The following VPS11 variants were observed in gnomAD, a reference collection of about 807,000 sequenced individuals.
VPS11 encodes VPS11 core subunit of CORVET and HOPS complexes, also known as vacuolar protein sorting-associated protein 11 homolog.
Under a neutral mutation model 106.8 loss-of-function variants are expected in VPS11, and 51 were observed. That is an observed-to-expected ratio of 0.48 (90% CI 0.38 to 0.60). The LOEUF (loss-of-function observed/expected upper bound fraction) is 0.60. Among genes scored for constraint, VPS11 ranks in the 20% least tolerant of loss-of-function variants. The pLI is 0.00. For missense variants in VPS11, 950 were observed against 1,190.0 expected (o/e 0.80, Z 2.97); for synonymous variants, 453 against 458.7 (o/e 0.99, Z 0.16).
At chr11:119,080,985 CT>C (rs1945827676) in intron 14 of VPS11, 106 bp from the exon 15 acceptor site, 1 of 993,660 alleles carries the variant, frequency 1.0e-6, no homozygotes. Context: ...CTTCAGGGGC[CT>C]TACCAGGGAC....
At chr11:119,076,284 T>C (rs1189426708) in intron 7 of VPS11, among the ~76,000 whole-genome samples, 1 of 151,750 alleles carries the variant, frequency 6.6e-6, no homozygotes, top group East Asian at 1.9e-4. Context: ...CCCAGCACTT[T>C]GGGAGGCTGA....
At chr11:119,079,445 C>A in intron 14 of VPS11, 145 bp downstream of exon 14, 2 of 1,056,516 alleles carry the variant, frequency 1.9e-6, no homozygotes, top group South Asian at 1.8e-5. Flanking sequence ...TTGAGGAATT[C>A]CAAAAAATGG....
At chr11:119,080,831 T>C (rs1185986627) in intron 14 of VPS11, among the ~76,000 whole-genome samples, 2 of 152,164 alleles carry the variant, frequency 1.3e-5, no homozygotes, top group Non-Finnish European at 2.9e-5. Flanking sequence ...AAAGTTAATT[T>C]AGTGGCAGTT....
At position 119,081,435 on chromosome 11, in the gene VPS11, T is replaced by G. The variant is rs372540382; in HGVS notation, c.2662-24T>G. 2.5e-5 allele frequency: 40 copies of G among 1,613,732 alleles called. 1 individual carries two copies. The African/African-American group carries it at 4.7e-4, about 19-fold the overall frequency. ...CAAGCACTTTGATTCTGATTCGTAT[T>G]CCTTCCCTCCTCTTCTCCTGCAGCT... On this transcript the variant is annotated intron_variant, in intron 15 of 15. Coordinates refer to ENST00000621676, the MANE Select transcript of VPS11 (RefSeq NM_021729.6).
chr11:119,076,399 G>T (rs1160393507), intron 7 of VPS11, among the ~76,000 whole-genome samples: 5 of 151,126 alleles, frequency 3.3e-5, no homozygotes, highest in African/African-American at 1.2e-4. Flanking sequence ...GGTGGCACAT[G>T]CCTGTAATCC....
Position 119,081,846 on chromosome 11 carries a change from G to A in VPS11, c.*223G>A, listed in dbSNP as rs1409068343. The stretch of plus-strand genomic sequence containing the variant: ...GCAGTGTAGATCATTCCAGATCAGT[G>A]GGGGAGGGCACCTCAGCAACCTCTG... On this transcript the variant is annotated 3_prime_UTR_variant, in exon 16 of 16. Coordinates refer to ENST00000621676, the MANE Select transcript of VPS11 (RefSeq NM_021729.6). 1.3e-5 allele frequency: 8 copies of A among 594,410 alleles called. No individual in the cohort carries two copies. The East Asian group carries it at 1.8e-4, about 13-fold the overall frequency. The allele number at this position is 594,410 out of a possible 1,614,324, so 36.8% of individuals were successfully genotyped here.
At position 119,069,422 on chromosome 11, in the gene VPS11, C is replaced by G; in HGVS notation, c.337-20C>G. On this transcript the variant is annotated intron_variant, in intron 2 of 15. Transcript: ENST00000621676. ...TGTTGGAGGATGACTAGCATTTACA[C>G]TTCTGAGGTCTGTCCACAGGTTAAG... is the stretch of plus-strand genomic sequence containing the variant. The G allele has an allele frequency of 6.2e-7, 1 of 1,613,988 alleles. No individual in the cohort carries two copies. The highest frequency in any genetic ancestry group is 8.5e-7 in the Non-Finnish European group (1 of 1,179,874).
chr11:119,080,071 T>G (rs934951504), intron 14 of VPS11, among the ~76,000 whole-genome samples: 9 of 152,158 alleles, frequency 5.9e-5, no homozygotes, highest in Non-Finnish European at 1.2e-4. Flanking sequence ...TTTTTTTTTT[T>G]CTTTTGAGAT....
rs782061629 is a variant in VPS11, at chr11:119,069,573, C to T, written c.468C>T (p.Ala156=). The change falls in exon 3 of 16, where the codon GCC becomes GCT. Residue 156 remains alanine, a synonymous_variant. Transcript: ENST00000621676. ...LTVHENLNFM[A]IGFTDGSVTL... is the part of the protein sequence containing the mutation. Reference sequence around the variant, plus strand: ...TCCATGAAAATCTCAACTTTATGGCCATTGGTAAACAGAAGGCAAAACTAA... The same window carrying T: ...TCCATGAAAATCTCAACTTTATGGCTATTGGTAAACAGAAGGCAAAACTAA... 2.5e-6 allele frequency: 4 copies of T among 1,613,950 alleles called. No individual in the cohort carries two copies. In the East Asian group the frequency reaches 8.9e-5, roughly 36 times the overall value.
intron 14 of VPS11, among the ~76,000 whole-genome samples, chr11:119,080,512 G>A (rs1202705543): frequency 6.6e-6 from 1 of 151,824 alleles, no homozygotes; most frequent in South Asian, 2.1e-4. Context: ...GGGATTACAG[G>A]TGCCTGCCAT....
chr11:119,077,130 T>A, intron 8 of VPS11, 47 bp downstream of exon 8: 1 of 1,580,370 alleles, frequency 6.3e-7, no homozygotes, highest in Non-Finnish European at 8.6e-7. Context: ...CCACTGAGCA[T>A]GAGGTGGCTC....
intron 7 of VPS11, 137 bp downstream of exon 7, chr11:119,074,088 T>C (rs1211440281): frequency 5.1e-6 from 6 of 1,180,270 alleles, no homozygotes; most frequent in African/African-American, 3.1e-5. Context: ...TGTTTGTTTT[T>C]GTTAGTTTTT....
intron 1 of VPS11, chr11:119,068,265 T>C (rs1032202757): frequency 2.2e-5 from 9 of 409,270 alleles, no homozygotes; most frequent in African/African-American, 1.6e-4. Flanking sequence ...TGCATGCCAA[T>C]TTGACGAGGT....
At chr11:119,070,601 A>C in intron 4 of VPS11, 1 of 439,534 alleles carries the variant, frequency 2.3e-6, no homozygotes. Flanking sequence ...AAAAGATGTG[A>C]ATTTTCTTTC....
chr11:119,074,698 C>T (rs1476999728), intron 7 of VPS11, among the ~76,000 whole-genome samples: 1 of 152,162 alleles, frequency 6.6e-6, no homozygotes, highest in Non-Finnish European at 1.5e-5. Flanking sequence ...AGCCACAGTG[C>T]CTGGCCTTTT....
At chr11:119,069,367 GA>G in intron 2 of VPS11, 23 bp downstream of exon 2, 1 of 1,613,962 alleles carries the variant, frequency 6.2e-7, no homozygotes, top group Non-Finnish European at 8.5e-7. Context: ...AGGGAAATGG[GA>G]AAGATCCAGA....
chr11:119,070,607 C>A, intron 4 of VPS11: 4 of 291,494 alleles, frequency 1.4e-5, no homozygotes, highest in Non-Finnish European at 1.5e-5. Flanking sequence ...TGTGAATTTT[C>A]TTTCTTTTTT....
At chr11:119,077,147 G>C in intron 8 of VPS11, 64 bp downstream of exon 8, 2 of 1,554,576 alleles carry the variant, frequency 1.3e-6, no homozygotes, top group Non-Finnish European at 1.7e-6. Context: ...GCTCCACCGG[G>C]ACTTGTTCGT....
rs1251184370 is a variant in VPS11, at chr11:119,068,443, CCTTT to C, written c.187+434_187+437del. The stretch of plus-strand genomic sequence containing the variant: ...CTGCTACTAAATTCTGGCCTTTTTA[CCTTT>C]TTTTTTTTTTTTTTTTTTTTGATAC... On this transcript the variant is annotated intron_variant, in intron 1 of 15. Transcript: ENST00000621676. Among the ~76,000 whole-genome samples, 222 of 35,790 alleles carry C rather than the reference CCTTT, an allele frequency of 6.2e-3. 12 individuals carry two copies. Among genetic ancestry groups the C allele is most frequent in the African/African-American group, 0.012 (213 of 17,274 alleles). The allele number at this position is 35,790 out of a possible 152,430, so 23.5% of individuals were successfully genotyped here.
Sources: allele counts gnomAD v4.1 joint callset (sites outside exome capture counted in the v4.1 genomes callset), GRCh38; gene constraint gnomAD v4.1.1; transcripts MANE v1.5; gene names NCBI Gene and HGNC (gene_info 2026-07-23, HGNC 2026-07-21).